The following GPR137 variants were observed in gnomAD, a reference collection of about 807,000 sequenced individuals.
GPR137 encodes the protein integral membrane protein GPR137.
GPR137 carries 20 observed loss-of-function variants against 38.9 expected under a neutral mutation model. The observed-to-expected ratio is 0.51, with a 90% CI of 0.36 to 0.75. The LOEUF (loss-of-function observed/expected upper bound fraction) is 0.75, where lower values mean the gene tolerates loss of function less well. GPR137 is among the 30% of genes least tolerant of loss of function. GPR137 has a pLI of 0.00. For synonymous variants in GPR137, 226 were observed against 235.8 expected, an observed-to-expected ratio of 0.96 and a Z score of 0.38; for missense variants, 456 against 526.4, an observed-to-expected ratio of 0.87 and a Z score of 1.31.
upstream of GPR137, chr11:64,285,429 G>T (rs1285668331): frequency 1.0e-6 from 1 of 984,258 alleles, no homozygotes; most frequent in African/African-American, 1.7e-5. Context: ...CCCGCGCGGG[G>T]GATTCGGGGC....
Position 64,289,088 on chromosome 11 carries a change from G to C in GPR137, c.1083G>C (p.Glu361Asp). 1 of 1,610,790 alleles carries C rather than the reference G, an allele frequency of 6.2e-7. No homozygotes were observed. ...SGSWYGAIGR[E>D]PGWYGGSQTK... ...GCTGGTATGGTGCCATCGGGCGTGA[G>C]CCGGGCTGGTATGGGGGCAGCCAGA... Residue 361 changes from glutamate (E) to aspartate (D), a missense_variant, in exon 7 of 7, where the codon GAG (glutamate) becomes GAC (aspartate). Physicochemically the swap from Glu to Asp is conservative, Grantham distance 45 (BLOSUM62 2). Coordinates refer to ENST00000438980, the MANE Select transcript of GPR137 (RefSeq NM_001170880.2).
Position 64,289,267 on chromosome 11 carries a change from C to G in GPR137, c.*71C>G, listed in dbSNP as rs752653816. 1.2e-6 allele frequency: 2 copies of G among 1,612,738 alleles called. No individual in the cohort carries two copies. Among genetic ancestry groups the G allele is most frequent in the Non-Finnish European group, 8.5e-7 (1 of 1,179,762 alleles). On this transcript the variant is annotated 3_prime_UTR_variant, in exon 7 of 7. Transcript: ENST00000438980. ...CCCTAGGCCCCTGTGCCAAGTTTGTCTGCCGCTTCTTGCCCAGGATCCTGG... is the reference window on the plus strand; with the variant it reads ...CCCTAGGCCCCTGTGCCAAGTTTGTGTGCCGCTTCTTGCCCAGGATCCTGG...
chr11:64,276,683 CTG>C (rs2135116723), intron 2 of GPR137: 1 of 534,260 alleles, frequency 1.9e-6, no homozygotes, highest in East Asian at 3.2e-5. Flanking sequence ...GGGGGAGTGT[CTG>C]TGAATTCCCT....
chr11:64,272,598 C>G (rs1464034603), upstream of GPR137: 2 of 152,210 alleles, frequency 1.3e-5, no homozygotes, highest in East Asian at 3.8e-4. Flanking sequence ...TTTTAGGTAC[C>G]ATTGATGGTG....
chr11:64,286,791 C>T lies in GPR137; in HGVS notation c.267C>T (p.Arg89=), dbSNP rs751660938. The part of the protein sequence containing the change: ...FYFRDTPRAN[R]LGPLPFWLLY... ...TCCGAGATACTCCCCGCGCCAACCG[C>T]CTGGGGCCCTTGCCCTTCTGGCTTC... is the stretch of plus-strand genomic sequence containing the variant. The change falls in exon 1 of 7, where the codon CGC becomes CGT. Residue 89 remains arginine, a synonymous_variant. Transcript: ENST00000438980. 4.4e-6 allele frequency: 7 copies of T among 1,607,988 alleles called. No homozygotes were observed. Among genetic ancestry groups the T allele is most frequent in the Non-Finnish European group, 6.0e-6 (7 of 1,176,148 alleles).
chr11:64,285,558 G>C, upstream of GPR137: 8 of 984,104 alleles, frequency 8.1e-6, no homozygotes, highest in Non-Finnish European at 9.7e-6. Flanking sequence ...GCACGACCCC[G>C]ATTTGGGTAT....
upstream of GPR137, among the ~76,000 whole-genome samples, chr11:64,270,900 GACAC>G (rs71045754): frequency 0.19 from 16,570 of 87,668 alleles, 1,947 homozygotes; most frequent in Admixed American, 0.26. Flanking sequence ...TGCCCTGTGA[GACAC>G]ACACACACAC....
At chr11:64,277,325 C>A (rs548065635) in intron 2 of GPR137, among the ~76,000 whole-genome samples, 22 of 152,358 alleles carry the variant, frequency 1.4e-4, no homozygotes, top group African/African-American at 5.1e-4. Flanking sequence ...TAGGCCTCAG[C>A]CTTGACTATA....
At chr11:64,284,129 C>A, upstream of GPR137, 1 of 1,512,810 alleles carries the variant, frequency 6.6e-7, no homozygotes, top group East Asian at 2.3e-5. Flanking sequence ...ATGCAGGGAG[C>A]CAGTGGGCTG....
intron 2 of GPR137, 82 bp from the exon 3 acceptor site, chr11:64,287,639 T>A: frequency 1.9e-6 from 3 of 1,582,272 alleles, no homozygotes; most frequent in Non-Finnish European, 2.6e-6. Context: ...TTTGTCGACA[T>A]TGGGGTTTCC....
chr11:64,279,148 A>C (rs1011846680), intron 2 of GPR137, among the ~76,000 whole-genome samples: 4 of 151,002 alleles, frequency 2.6e-5, no homozygotes, highest in African/African-American at 9.8e-5. Flanking sequence ...ATCTTGTCCC[A>C]CTCTCCCCTC....
At chr11:64,272,523 G>C (rs2032713975), upstream of GPR137, among the ~76,000 whole-genome samples, 1 of 152,176 alleles carries the variant, frequency 6.6e-6, no homozygotes, top group African/African-American at 2.4e-5. Context: ...ACAAGAACTT[G>C]GCCGCTACAT....
At chr11:64,280,428 T>A (rs1043277150), upstream of GPR137, among the ~76,000 whole-genome samples, 6 of 147,064 alleles carry the variant, frequency 4.1e-5, no homozygotes, top group African/African-American at 1.5e-4. Flanking sequence ...CTCGGCTCAC[T>A]GCAAGCTCTG....
chr11:64,278,790 G>T (rs893223640), intron 2 of GPR137, among the ~76,000 whole-genome samples: 5 of 152,210 alleles, frequency 3.3e-5, no homozygotes, highest in South Asian at 4.1e-4. Context: ...CATCCAGCAG[G>T]GGGGCCTGGT....
chr11:64,279,316 C>T (rs992228653), intron 2 of GPR137, among the ~76,000 whole-genome samples: 4 of 152,180 alleles, frequency 2.6e-5, no homozygotes, highest in Admixed American at 6.5e-5. Flanking sequence ...CCCTGAAGCT[C>T]AGCCAGCTTG....
upstream of GPR137, among the ~76,000 whole-genome samples, chr11:64,279,589 AC>A (rs1378182475): frequency 3.0e-4 from 46 of 151,192 alleles, no homozygotes; most frequent in African/African-American, 1.1e-3. Context: ...ACATGGTGAA[AC>A]CCCCGTCTCC....
chr11:64,278,498 C>G (rs974653159), intron 2 of GPR137, among the ~76,000 whole-genome samples: 3 of 151,950 alleles, frequency 2.0e-5, no homozygotes, highest in Non-Finnish European at 4.4e-5. Flanking sequence ...AGCACTTTTC[C>G]TATATTAACT....
In GPR137 at chr11:64,286,950, C is replaced by T. The variant is rs756658947; in HGVS notation, c.358-15C>T. 7.4e-6 allele frequency: 12 copies of T among 1,613,876 alleles called. No individual in the cohort carries two copies. The highest frequency in any genetic ancestry group is 1.3e-5 in the African/African-American group (1 of 75,034). ...CTCAAGGACCCACAGGAGTGAAGGG[C>T]ATCTCTGCTCCTAGGTGGTGTTCAA... On this transcript the variant is annotated splice_polypyrimidine_tract_variant and intron_variant, in intron 1 of 6. Coordinates refer to ENST00000438980, the MANE Select transcript of GPR137 (RefSeq NM_001170880.2).
upstream of GPR137, chr11:64,285,755 G>A: frequency 1.0e-6 from 1 of 985,360 alleles, no homozygotes; most frequent in Non-Finnish European, 1.2e-6. Flanking sequence ...ACGGTTTCAC[G>A]CCGGGTGCGG....
Sources: allele counts gnomAD v4.1 joint callset (sites outside exome capture counted in the v4.1 genomes callset), GRCh38; gene constraint gnomAD v4.1.1; transcripts MANE v1.5; gene names NCBI Gene and HGNC (gene_info 2026-07-23, HGNC 2026-07-21).